Variants in HECW1 observed in about 807,000 individuals in gnomAD.
The protein encoded by HECW1 is HECT, C2 and WW domain containing E3 ubiquitin protein ligase 1.
HECW1 carries 61 observed loss-of-function variants against 182.3 expected under a neutral mutation model. The observed-to-expected ratio is 0.33, with a 90% CI of 0.27 to 0.41. HECW1 has a LOEUF of 0.41. Ranked by LOEUF, HECW1 falls within the 10% of genes least tolerant of loss-of-function variation. The pLI is 1.00. For synonymous variants in HECW1, 859 were observed against 832.6 expected, an observed-to-expected ratio of 1.03 and a Z score of -0.55; for missense variants, 1,739 against 2,108.9, an observed-to-expected ratio of 0.82 and a Z score of 3.44.
chr7:43,449,909 T>A (rs2077177757), intron 11 of HECW1, among the ~76,000 whole-genome samples: 1 of 152,238 alleles, frequency 6.6e-6, no homozygotes, highest in African/African-American at 2.4e-5. Context: ...ATGGCTGCTC[T>A]ACATGCCTGA....
intron 24 of HECW1, among the ~76,000 whole-genome samples, chr7:43,529,769 C>T (rs748685534): frequency 1.3e-5 from 2 of 152,094 alleles, no homozygotes; most frequent in Non-Finnish European, 2.9e-5. Context: ...GCAGTCATCC[C>T]TTTCTCATGG....
chr7:43,456,446 C>A lies in HECW1; in HGVS notation c.2650C>A (p.Arg884=), dbSNP rs927431928. Residue 884 remains arginine (R), a splice_region_variant and synonymous_variant, in exon 13 of 30, where the codon CGG becomes AGG. Coordinates refer to ENST00000395891, the MANE Select transcript of HECW1 (RefSeq NM_015052.5). ...CCAGCAGATGGAGCAACTCAACAGG[C>A]GGTTGGTGATCAGTATGCAATGAGC... is the stretch of plus-strand genomic sequence containing the variant. ...SIQQMEQLNR[R]YQNIQRTIAT... 3 of 1,613,128 alleles carry A rather than the reference C, an allele frequency of 1.9e-6. No individual in the cohort carries two copies. The highest frequency in any genetic ancestry group is 1.3e-5 in the African/African-American group (1 of 74,994).
intron 26 of HECW1, among the ~76,000 whole-genome samples, chr7:43,542,586 T>C (rs1018193246): frequency 6.6e-6 from 1 of 152,058 alleles, no homozygotes; most frequent in African/African-American, 2.4e-5. Context: ...CACCCATTTG[T>C]CTGTTGATGA....
intron 5 of HECW1, among the ~76,000 whole-genome samples, chr7:43,350,951 A>G (rs1254040127): frequency 2.0e-5 from 3 of 152,182 alleles, no homozygotes; most frequent in Non-Finnish European, 4.4e-5. Flanking sequence ...TTGTTTTATC[A>G]TATTACCAGG....
intron 8 of HECW1, among the ~76,000 whole-genome samples, chr7:43,431,673 A>G (rs927019264): frequency 2.0e-5 from 3 of 152,186 alleles, no homozygotes; most frequent in African/African-American, 7.2e-5. Context: ...GATAAGTCCA[A>G]GCTGTGGCCA....
intron 8 of HECW1, among the ~76,000 whole-genome samples, chr7:43,429,626 T>C (rs2076480460): frequency 6.6e-6 from 1 of 152,160 alleles, no homozygotes; most frequent in African/African-American, 2.4e-5. Flanking sequence ...TAATGACTAG[T>C]GCCACCTGAA....
intron 24 of HECW1, among the ~76,000 whole-genome samples, chr7:43,533,688 C>T (rs911732482): frequency 6.6e-6 from 1 of 152,128 alleles, no homozygotes; most frequent in African/African-American, 2.4e-5. Flanking sequence ...AGTGTCCTGC[C>T]ACATGTTCCT....
chr7:43,200,894 C>T (rs1287784032), intron 2 of HECW1, among the ~76,000 whole-genome samples: 1 of 152,206 alleles, frequency 6.6e-6, no homozygotes, highest in Non-Finnish European at 1.5e-5. Flanking sequence ...AGATGGGAAA[C>T]CTTACCAAAG....
intron 21 of HECW1, among the ~76,000 whole-genome samples, chr7:43,503,590 A>G (rs938337779): frequency 3.3e-5 from 5 of 152,244 alleles, no homozygotes; most frequent in African/African-American, 9.6e-5. Flanking sequence ...TAATCATCCA[A>G]TTCATTTTGT....
chr7:43,184,113 A>G (rs1261909992), intron 2 of HECW1, among the ~76,000 whole-genome samples: 2 of 152,050 alleles, frequency 1.3e-5, no homozygotes, highest in African/African-American at 4.8e-5. Context: ...TCCTGAGTTC[A>G]CGCCATTCTC....
chr7:43,216,620 C>T (rs762705376), intron 2 of HECW1, among the ~76,000 whole-genome samples: 16 of 151,916 alleles, frequency 1.1e-4, no homozygotes, highest in Admixed American at 2.6e-4. Context: ...TCCACTAGCC[C>T]ACATCCTGCT....
intron 8 of HECW1, among the ~76,000 whole-genome samples, chr7:43,421,357 G>A (rs1450051204): frequency 6.6e-6 from 1 of 152,118 alleles, no homozygotes; most frequent in Non-Finnish European, 1.5e-5. Flanking sequence ...AAACAAGTAA[G>A]AATACTTTCA....
chr7:43,434,242 T>A (rs1453596982), intron 8 of HECW1, among the ~76,000 whole-genome samples: 1 of 152,158 alleles, frequency 6.6e-6, no homozygotes, highest in Non-Finnish European at 1.5e-5. Context: ...CCAGCTGAAA[T>A]GAGTTAGTAA....
chr7:43,350,376 G>A (rs1056601267), intron 5 of HECW1, among the ~76,000 whole-genome samples: 2 of 152,154 alleles, frequency 1.3e-5, no homozygotes, highest in Non-Finnish European at 2.9e-5. Context: ...TTTCCCAGGT[G>A]TTCTTTGTGC....
intron 11 of HECW1, among the ~76,000 whole-genome samples, chr7:43,446,315 A>T (rs1584934817): frequency 6.6e-6 from 1 of 152,252 alleles, no homozygotes; most frequent in African/African-American, 2.4e-5. Flanking sequence ...GTTCTTTCTT[A>T]GTCATGCCTG....
chr7:43,498,603 T>C, intron 19 of HECW1, among the ~76,000 whole-genome samples: 1 of 152,242 alleles, frequency 6.6e-6, no homozygotes, highest in African/African-American at 2.4e-5. Context: ...GAGATGGGGA[T>C]GTTCTGTTCT....
chr7:43,235,817 C>A (rs995265168), intron 2 of HECW1, among the ~76,000 whole-genome samples: 1 of 152,022 alleles, frequency 6.6e-6, no homozygotes, highest in South Asian at 2.1e-4. Flanking sequence ...CCAGCACACT[C>A]CCCTGGGCCC....
At position 43,364,560 on chromosome 7, in the gene HECW1, G is replaced by A. The variant is rs957630106; in HGVS notation, c.555+3580G>A. 1.4e-4 allele frequency among the ~76,000 whole-genome samples: 22 copies of A among 152,368 alleles called. No homozygotes were observed. The East Asian group carries it at 2.7e-3, about 19-fold the overall frequency. ...CACCTGCAGCAGCTGTGCTGGCTGC[G>A]GAGGAGGGGGCGTGGCCTGAGGCAG... On this transcript the variant is annotated intron_variant, in intron 6 of 29. Coordinates refer to ENST00000395891, the MANE Select transcript of HECW1 (RefSeq NM_015052.5).
intron 28 of HECW1, among the ~76,000 whole-genome samples, chr7:43,553,700 G>A (rs2081927224): frequency 1.3e-5 from 2 of 149,378 alleles, no homozygotes; most frequent in Non-Finnish European, 3.0e-5. Flanking sequence ...TCTCTGCCTG[G>A]CTGTTAAGGC....
Sources: allele counts gnomAD v4.1 joint callset (sites outside exome capture counted in the v4.1 genomes callset), GRCh38; gene constraint gnomAD v4.1.1; transcripts MANE v1.5; gene names NCBI Gene and HGNC (gene_info 2026-07-23, HGNC 2026-07-21).